Variants in PYHIN1 observed in about 807,000 individuals in gnomAD.
PYHIN1 encodes pyrin and HIN domain-containing protein 1.
PYHIN1 carries 32 observed loss-of-function variants against 43.7 expected under a neutral mutation model. The ratio of observed to expected loss-of-function variants is 0.73; its 90% CI spans 0.55 to 0.98. The LOEUF is 0.98. PYHIN1 is among the 50% of genes least tolerant of loss of function. PYHIN1 has a pLI of 0.00. For synonymous variants in PYHIN1, 205 were observed against 203.1 expected, an observed-to-expected ratio of 1.01 and a Z score of -0.08; for missense variants, 588 against 589.5, an observed-to-expected ratio of 1.00 and a Z score of 0.03.
chr1:158,958,608 G>T (rs908500349), intron 7 of PYHIN1, among the ~76,000 whole-genome samples: 2 of 116,012 alleles, frequency 1.7e-5, no homozygotes, highest in Non-Finnish European at 3.4e-5. Context: ...GACTGTGGTG[G>T]GGTGGGGGGA....
chr1:158,983,772 C>T, the PYHIN1 span, among the ~76,000 whole-genome samples: 1 of 151,954 alleles, frequency 6.6e-6, no homozygotes, highest in African/African-American at 2.4e-5. Context: ...TGATCCATGG[C>T]TTTTGTTGGT....
the PYHIN1 span, among the ~76,000 whole-genome samples, chr1:158,985,115 A>C: frequency 1.3e-5 from 2 of 152,170 alleles, no homozygotes; most frequent in Non-Finnish European, 2.9e-5. Context: ...CCAACTTACC[A>C]TTCTGTGCCT....
the PYHIN1 span, among the ~76,000 whole-genome samples, chr1:158,988,698 C>A: frequency 6.6e-6 from 1 of 152,028 alleles, no homozygotes; most frequent in Non-Finnish European, 1.5e-5. Flanking sequence ...CTTCTAAGCA[C>A]AATGTTGAAG....
At chr1:158,942,876 G>A (rs936741307) in intron 5 of PYHIN1, among the ~76,000 whole-genome samples, 2 of 152,282 alleles carry the variant, frequency 1.3e-5, no homozygotes, top group African/African-American at 4.8e-5. Context: ...ATCAATTGCA[G>A]TAAACAGGTA....
chr1:158,960,530 T>C (rs1650259768), intron 7 of PYHIN1, among the ~76,000 whole-genome samples: 1 of 152,224 alleles, frequency 6.6e-6, no homozygotes, highest in Non-Finnish European at 1.5e-5. Flanking sequence ...TATTCTTGGG[T>C]GTCCAACTAC....
rs923016051 is a variant in PYHIN1 at position 158,933,235 on chromosome 1, AATAT to A, written c.-21+1466_-21+1469del. 1.5e-4 allele frequency among the ~76,000 whole-genome samples: 22 copies of A among 151,704 alleles called. No individual in the cohort carries two copies. The highest frequency in any genetic ancestry group is 5.3e-4 in the African/African-American group (22 of 41,478). Reference sequence around the variant, plus strand: ...TTCCAAACATAAACATACACATATAAATATATATATTTGTGGCACCGTGTACATA... The same window carrying A: ...TTCCAAACATAAACATACACATATAAATATATTTGTGGCACCGTGTACATA... On this transcript the variant is annotated intron_variant, in intron 1 of 8. Transcript: ENST00000368140. This position sits in a 1 kb window ranked among gnomAD's most constrained non-coding sequence, Gnocchi z 6.3.
intron 7 of PYHIN1, among the ~76,000 whole-genome samples, chr1:158,958,144 T>G (rs1162031661): frequency 6.6e-6 from 1 of 150,902 alleles, no homozygotes; most frequent in Non-Finnish European, 1.5e-5. Context: ...AGGAACACTT[T>G]TACACTGTTG....
chr1:158,966,448 A>C (rs925253065), intron 7 of PYHIN1, among the ~76,000 whole-genome samples: 2 of 152,170 alleles, frequency 1.3e-5, no homozygotes, highest in Admixed American at 6.6e-5. Context: ...GTTATTCTTG[A>C]TGAACATACA....
chr1:158,947,476 G>A (rs1473404105), intron 7 of PYHIN1, among the ~76,000 whole-genome samples: 1 of 152,104 alleles, frequency 6.6e-6, no homozygotes, highest in South Asian at 2.1e-4. Flanking sequence ...TTCCTTTGCT[G>A]GGATCATTTT....
At chr1:158,960,248 C>T (rs1014143580) in intron 7 of PYHIN1, among the ~76,000 whole-genome samples, 9 of 152,192 alleles carry the variant, frequency 5.9e-5, no homozygotes, top group Non-Finnish European at 1.2e-4. Context: ...GGAGCCCTTG[C>T]TCAATCATTG....
chr1:158,936,013 C>T (rs1307332425), intron 1 of PYHIN1, among the ~76,000 whole-genome samples: 1 of 152,110 alleles, frequency 6.6e-6, no homozygotes, highest in African/African-American at 2.4e-5. Context: ...CTCATTTGGT[C>T]ATTAAGTCCT....
Position 158,970,857 on chromosome 1 carries a change from G to T in PYHIN1, c.1360-2790G>T, listed in dbSNP as rs16841377. ...CATATATTCTTTATTGCATATCCAT[G>T]AAGATACAACCTATATCTCATTTCA... On this transcript the variant is annotated intron_variant, in intron 7 of 8. Transcript: ENST00000368140. Among the ~76,000 whole-genome samples, 351 of 152,070 alleles carry T rather than the reference G, an allele frequency of 2.3e-3. 1 individual carries two copies. The highest frequency in any genetic ancestry group is 7.8e-3 in the African/African-American group (324 of 41,508).
chr1:158,949,298 T>C (rs1353486981), intron 7 of PYHIN1, among the ~76,000 whole-genome samples: 1 of 152,192 alleles, frequency 6.6e-6, no homozygotes, highest in African/African-American at 2.4e-5. Context: ...TATAATTGCC[T>C]AGTTGGAGGC....
chr1:158,953,945 G>A (rs1401671025), intron 7 of PYHIN1, among the ~76,000 whole-genome samples: 2 of 133,172 alleles, frequency 1.5e-5, no homozygotes, highest in Admixed American at 7.8e-5. Flanking sequence ...CGAGAACTAC[G>A]TGAAGAATGC....
chr1:158,948,807 T>C (rs1649364101), intron 7 of PYHIN1, among the ~76,000 whole-genome samples: 1 of 152,154 alleles, frequency 6.6e-6, no homozygotes, highest in Admixed American at 6.5e-5. Flanking sequence ...ATGTGTCAAA[T>C]TGACTGGTAG....
downstream of PYHIN1, among the ~76,000 whole-genome samples, chr1:158,977,378 T>C (rs1363194994): frequency 2.6e-5 from 4 of 152,160 alleles, no homozygotes; most frequent in Non-Finnish European, 5.9e-5. Flanking sequence ...AACCAGGCAC[T>C]TTCTGGTGAT....
chr1:158,935,889 C>T (rs896472218), intron 1 of PYHIN1, among the ~76,000 whole-genome samples: 1 of 152,098 alleles, frequency 6.6e-6, no homozygotes. Context: ...GAGACAATTG[C>T]TTGTTCACAG....
At position 158,939,404 on chromosome 1, in the gene PYHIN1, C is replaced by A. The variant is rs1347572074; in HGVS notation, c.579+157C>A. On this transcript the variant is annotated intron_variant, in intron 4 of 8. Coordinates refer to ENST00000368140, the MANE Select transcript of PYHIN1 (RefSeq NM_152501.5). ...CATTTTAATCTTTTGCTTCCACAGG[C>A]ATATTTGATGAACTTGACATTATCT... The A allele has an allele frequency of 1.9e-6, 3 of 1,566,808 alleles. No individual in the cohort carries two copies. In the Admixed American group the frequency reaches 5.7e-5, roughly 30 times the overall value.
chr1:158,935,365 T>C (rs947807951), intron 1 of PYHIN1, among the ~76,000 whole-genome samples: 1 of 151,528 alleles, frequency 6.6e-6, no homozygotes, highest in Non-Finnish European at 1.5e-5. Context: ...AAGGAATGTA[T>C]TGAAAAGAAA....
Sources: gnomAD v4.1 joint callset for allele counts (sites outside exome capture counted in the v4.1 genomes callset) on GRCh38, gnomAD v4.1.1 for gene constraint, Gnocchi (gnomAD v3.1) non-coding constraint, MANE v1.5 for transcripts, NCBI Gene and HGNC (gene_info 2026-07-23, HGNC 2026-07-21) for gene names.